TRDN: variants seen among roughly 807,000 people sequenced by gnomAD.
TRDN encodes the protein triadin in skeletal muscle.
A neutral mutation model predicts 149.7 loss-of-function variants in TRDN; 161 were observed. The ratio of observed to expected loss-of-function variants is 1.08; its 90% confidence interval spans 0.95 to 1.23. The LOEUF (loss-of-function observed/expected upper bound fraction) is 1.23, where lower values mean the gene tolerates loss of function less well. Ranked by LOEUF, TRDN falls within the 50% of genes most tolerant of loss-of-function variation. The pLI is 0.00. For missense variants in TRDN, 896 were observed against 823.5 expected (o/e 1.09, Z -1.08); for synonymous variants, 294 against 250.5 (o/e 1.17, Z -1.64).
intron 12 of TRDN, among the ~76,000 whole-genome samples, chr6:123,397,461 T>C (rs939983827): frequency 6.6e-6 from 1 of 152,206 alleles, no homozygotes; most frequent in South Asian, 2.1e-4. Flanking sequence ...TTGTCACTTA[T>C]TCAACTTTAT....
chr6:123,258,566 T>C (rs1173324745), intron 35 of TRDN, among the ~76,000 whole-genome samples: 3 of 152,200 alleles, frequency 2.0e-5, no homozygotes, highest in Non-Finnish European at 4.4e-5. Context: ...TTCGCATCGA[T>C]ATTCATCAGG....
At chr6:123,313,172 G>T (rs1199435151) in intron 24 of TRDN, among the ~76,000 whole-genome samples, 1 of 151,938 alleles carries the variant, frequency 6.6e-6, no homozygotes, top group Non-Finnish European at 1.5e-5. Flanking sequence ...TATTTTGTCT[G>T]TCAGCTCCTA....
At chr6:123,490,994 T>C (rs1027231299) in intron 9 of TRDN, among the ~76,000 whole-genome samples, 4 of 151,900 alleles carry the variant, frequency 2.6e-5, no homozygotes, top group Non-Finnish European at 5.9e-5. Flanking sequence ...TAGTCCCAGC[T>C]ACTCGCAAGG....
chr6:123,255,886 CT>C lies in TRDN; in HGVS notation c.1886del (p.Lys629SerfsTer20). ...AATTACCTTTTTCTTCTCTAAGATGCTTCATGTCTGCTTTTTCTGTATAGAA... is the reference window on the plus strand; with the variant it reads ...AATTACCTTTTTCTTCTCTAAGATGCTCATGTCTGCTTTTTCTGTATAGAA... ...EKESKEKADMKHLREEKVSTR... is the reference protein window; with the variant it reads ...EKESKEKADMXHLREEKVSTR... On this transcript the variant is annotated frameshift_variant, in exon 36 of 41. Coordinates refer to ENST00000334268, the MANE Select transcript of TRDN (RefSeq NM_006073.4). LOFTEE classifies it high-confidence loss of function. The C allele has an allele frequency of 7.5e-7, 1 of 1,339,582 alleles. No individual in the cohort carries two copies. The highest frequency in any genetic ancestry group is 9.7e-7 in the Non-Finnish European group (1 of 1,029,900). The allele number at this position is 1,339,582 out of a possible 1,614,324, so 83.0% of individuals were successfully genotyped here.
intron 24 of TRDN, among the ~76,000 whole-genome samples, chr6:123,280,503 A>C (rs1197019178): frequency 1.3e-5 from 2 of 152,108 alleles, no homozygotes; most frequent in East Asian, 3.9e-4. Flanking sequence ...CATTGACTCT[A>C]TAGGTCAATT....
intron 9 of TRDN, among the ~76,000 whole-genome samples, chr6:123,466,749 C>A (rs1776844212): frequency 6.6e-6 from 1 of 151,864 alleles, no homozygotes; most frequent in Non-Finnish European, 1.5e-5. Context: ...AAGAAGGAGT[C>A]AGTTAAATGA....
chr6:123,525,816 T>C (rs1418715621), intron 5 of TRDN, among the ~76,000 whole-genome samples: 1 of 152,110 alleles, frequency 6.6e-6, no homozygotes, highest in South Asian at 2.1e-4. Context: ...ATCCTTTGAC[T>C]CCACGATGCT....
At chr6:123,589,445 A>G (rs865912854) in intron 1 of TRDN, among the ~76,000 whole-genome samples, 6 of 152,204 alleles carry the variant, frequency 3.9e-5, no homozygotes, top group African/African-American at 1.4e-4. Flanking sequence ...AAACCCACTG[A>G]AACAGAAAAG....
intron 24 of TRDN, among the ~76,000 whole-genome samples, chr6:123,298,607 C>A (rs902816212): frequency 6.6e-6 from 1 of 152,070 alleles, no homozygotes; most frequent in Non-Finnish European, 1.5e-5. Context: ...ATTCTTAGCA[C>A]TTGTGCATTG....
At chr6:123,464,629 C>A (rs1364355221) in intron 10 of TRDN, 5 of 1,165,006 alleles carry the variant, frequency 4.3e-6, no homozygotes, top group Non-Finnish European at 5.3e-6. Flanking sequence ...ATAGCCTTAT[C>A]TATTTGTCCC....
At chr6:123,347,318 T>G (rs1780291520) in intron 21 of TRDN, among the ~76,000 whole-genome samples, 1 of 152,084 alleles carries the variant, frequency 6.6e-6, no homozygotes, top group Non-Finnish European at 1.5e-5. Context: ...CACACACAGT[T>G]GTTATCTACA....
At chr6:123,314,973 C>T (rs1297361958) in intron 24 of TRDN, among the ~76,000 whole-genome samples, 2 of 151,908 alleles carry the variant, frequency 1.3e-5, no homozygotes, top group African/African-American at 4.8e-5. Flanking sequence ...CAAACCTGCA[C>T]ATCCTGCACA....
At chr6:123,222,490 T>A (rs58622288) in intron 39 of TRDN, among the ~76,000 whole-genome samples, 14,878 of 121,830 alleles carry the variant, frequency 0.12, 2,262 homozygotes, top group African/African-American at 0.38. Context: ...TAATTCAATT[T>A]AAAAAATATA....
At chr6:123,601,912 CTG>C (rs1784299012) in intron 1 of TRDN, among the ~76,000 whole-genome samples, 1 of 152,080 alleles carries the variant, frequency 6.6e-6, no homozygotes, top group African/African-American at 2.4e-5. Flanking sequence ...AAAGAGGAAA[CTG>C]AGGCTCAGAA....
chr6:123,511,958 C>T (rs936936059), intron 7 of TRDN, among the ~76,000 whole-genome samples: 7 of 150,902 alleles, frequency 4.6e-5, no homozygotes, highest in Admixed American at 6.6e-5. Flanking sequence ...GATAACCTCC[C>T]TATTTTAGAA....
intron 23 of TRDN, 82 bp from the exon 24 acceptor site, chr6:123,316,577 T>A: frequency 8.4e-7 from 1 of 1,184,096 alleles, no homozygotes; most frequent in Non-Finnish European, 1.2e-6. Context: ...CAAAGTGGAT[T>A]AATAGGTAGG....
At chr6:123,477,422 G>T (rs1777541907) in intron 9 of TRDN, among the ~76,000 whole-genome samples, 1 of 149,836 alleles carries the variant, frequency 6.7e-6, no homozygotes, top group African/African-American at 2.5e-5. Context: ...AGGTGCTGGG[G>T]AGGATGTGGA....
intron 24 of TRDN, among the ~76,000 whole-genome samples, chr6:123,312,289 A>C (rs554263159): frequency 1.3e-5 from 2 of 152,086 alleles, no homozygotes; most frequent in South Asian, 2.1e-4. Flanking sequence ...ATTTGCATTT[A>C]TTCCGCCTCT....
chr6:123,392,535 T>C (rs1014572777), intron 13 of TRDN, among the ~76,000 whole-genome samples: 1 of 152,206 alleles, frequency 6.6e-6, no homozygotes, highest in East Asian at 1.9e-4. Context: ...TGCATTTTCA[T>C]GTATTAAAAA....
Sources: gnomAD v4.1 joint callset for allele counts (sites outside exome capture counted in the v4.1 genomes callset) on GRCh38, gnomAD v4.1.1 for gene constraint, MANE v1.5 for transcripts, NCBI Gene and HGNC (gene_info 2026-07-23, HGNC 2026-07-21) for gene names.